Variants in SGTA observed in about 807,000 individuals in gnomAD.
SGTA encodes the protein small glutamine-rich tetratricopeptide repeat-containing protein alpha.
In SGTA, 22 loss-of-function variants were observed where a neutral mutation model predicts 44.3. That is an observed-to-expected ratio of 0.50 (90% CI 0.36 to 0.71). The LOEUF is 0.71. SGTA is among the 30% of genes least tolerant of loss of function. The pLI is 0.00. For synonymous variants in SGTA, 174 were observed against 177.6 expected, an observed-to-expected ratio of 0.98 and a Z score of 0.16; for missense variants, 341 against 435.9, an observed-to-expected ratio of 0.78 and a Z score of 1.94.
chr19:2,774,355 G>A (rs1259705003), intron 1 of SGTA, among the ~76,000 whole-genome samples: 1 of 152,208 alleles, frequency 6.6e-6, no homozygotes, highest in African/African-American at 2.4e-5. Flanking sequence ...AGTGAAGGGC[G>A]GTGGCCGAGG....
At chr19:2,768,807 G>T (rs1025660062) in intron 2 of SGTA, among the ~76,000 whole-genome samples, 162 bp downstream of exon 2, 1 of 152,216 alleles carries the variant, frequency 6.6e-6, no homozygotes, top group Non-Finnish European at 1.5e-5. Flanking sequence ...TCCCACGGCC[G>T]GGGGCTGTGT....
chr19:2,757,861 A>G (rs1914873697), intron 9 of SGTA, 79 bp from the exon 10 acceptor site: 1 of 948,836 alleles, frequency 1.1e-6, no homozygotes, highest in South Asian at 1.8e-5. Flanking sequence ...GTGGCCCGGG[A>G]GAGAATCCCT....
In SGTA at chr19:2,761,148, A is replaced by G. The variant is rs969515526; in HGVS notation, c.699+312T>C. On this transcript the variant is annotated intron_variant, in intron 8 of 11. Coordinates refer to ENST00000221566, the MANE Select transcript of SGTA (RefSeq NM_003021.4). This position sits in a 1 kb window ranked among gnomAD's most constrained non-coding sequence, Gnocchi z 5.7. ...CACGCCAGGGTGGGGTGGGGGTGTG[A>G]CCTCCCTGGGCTCAGCCAGGAGAGC... 2.6e-5 allele frequency among the ~76,000 whole-genome samples: 4 copies of G among 151,806 alleles called. No homozygotes were observed. Among genetic ancestry groups the G allele is most frequent in the Non-Finnish European group, 5.9e-5 (4 of 67,944 alleles).
rs150126806 is a variant in SGTA, at chr19:2,762,456, CCA to C, written c.636+48_636+49del. Reference sequence around the variant, plus strand: ...GTGCGCCCGAGGACCTGTCCCCCACCCACACAGTCAGCTCGGCGTTCTGGAGC... The same window carrying C: ...GTGCGCCCGAGGACCTGTCCCCCACCCACAGTCAGCTCGGCGTTCTGGAGC... On this transcript the variant is annotated intron_variant, in intron 7 of 11. Transcript: ENST00000221566. 1,155 of 1,604,384 alleles carry C rather than the reference CCA, an allele frequency of 7.2e-4. 3 individuals are homozygous for C. Among genetic ancestry groups the C allele is most frequent in the African/African-American group, 6.0e-3 (452 of 74,886 alleles).
intron 1 of SGTA, among the ~76,000 whole-genome samples, chr19:2,773,700 G>C (rs1288136866): frequency 2.2e-5 from 1 of 45,678 alleles, no homozygotes; most frequent in Non-Finnish European, 3.4e-5. Flanking sequence ...GGGACACCGA[G>C]GGCAGAGATG....
intron 1 of SGTA, among the ~76,000 whole-genome samples, chr19:2,778,352 C>CA (rs1450607577): frequency 6.6e-6 from 1 of 152,162 alleles, no homozygotes; most frequent in Non-Finnish European, 1.5e-5. Flanking sequence ...GAGAACTGGA[C>CA]AGGGTGGCAG....
At chr19:2,766,924 C>T (rs1016933479) in intron 4 of SGTA, among the ~76,000 whole-genome samples, 4 of 151,992 alleles carry the variant, frequency 2.6e-5, no homozygotes, top group African/African-American at 7.3e-5. Context: ...CCCCACCAGC[C>T]GTGCTGTGCC....
At chr19:2,775,896 C>T (rs1278642643) in intron 1 of SGTA, among the ~76,000 whole-genome samples, 1 of 152,198 alleles carries the variant, frequency 6.6e-6, no homozygotes, top group African/African-American at 2.4e-5. Flanking sequence ...TTTTGTGTCG[C>T]TGGACAGGGA....
intron 1 of SGTA, among the ~76,000 whole-genome samples, chr19:2,779,829 T>G (rs1427625541): frequency 1.3e-5 from 2 of 152,138 alleles, no homozygotes; most frequent in African/African-American, 4.8e-5. Flanking sequence ...TCCCAGCACT[T>G]TGGGAGGCCG....
chr19:2,773,900 T>A (rs13345285), intron 1 of SGTA, among the ~76,000 whole-genome samples: 51 of 36,210 alleles, frequency 1.4e-3, no homozygotes, highest in Admixed American at 3.5e-3. Flanking sequence ...CGGCAGGGAC[T>A]CCGAGGGCAG....
At chr19:2,771,513 T>G (rs1233525346) in intron 1 of SGTA, among the ~76,000 whole-genome samples, 1 of 150,178 alleles carries the variant, frequency 6.7e-6, no homozygotes, top group Non-Finnish European at 1.5e-5. Context: ...GGAAGCGACT[T>G]AACTCTGCTG....
Position 2,757,380 on chromosome 19 carries a change from C to T in SGTA, c.905G>A (p.Arg302Gln), listed in dbSNP as rs929340519. ...IEQLRSQIRS[R>Q]TPSASNDDQQ... ...GTCGTCGTTGCTGGCGCTGGGCGTC[C>T]GACTCCGGATCTGGCTCCTGAGCTG... The change falls in exon 11 of 12, where the codon CGG (arginine) becomes CAG (glutamine). Residue 302 changes from arginine (R) to glutamine (Q), a missense_variant. Arg to Gln is a conservative substitution (Grantham distance 43). Coordinates refer to ENST00000221566, the MANE Select transcript of SGTA (RefSeq NM_003021.4). 5.6e-6 allele frequency: 9 copies of T among 1,606,258 alleles called. No homozygotes were observed. The highest frequency in any genetic ancestry group is 5.0e-5 in the Admixed American group (3 of 59,998).
At chr19:2,769,134 C>T (rs1915230784) in intron 1 of SGTA, 43 bp from the exon 2 acceptor site, 2 of 1,279,566 alleles carry the variant, frequency 1.6e-6, no homozygotes, top group Admixed American at 1.7e-5. Context: ...CCTCACACTC[C>T]CCACTCCAGG....
rs541091111 is a variant in SGTA, at chr19:2,760,994, C to T, written c.699+466G>A. 1.8e-4 allele frequency among the ~76,000 whole-genome samples: 27 copies of T among 152,354 alleles called. No individual in the cohort carries two copies. In the East Asian group the frequency reaches 5.0e-3, roughly 28 times the overall value. ...CTGCCAAAGGCCGTCCCTTTGGAAGCATGAGTGCCCGGGCATCGGGAGGTC... is the reference window on the plus strand; with the variant it reads ...CTGCCAAAGGCCGTCCCTTTGGAAGTATGAGTGCCCGGGCATCGGGAGGTC... On this transcript the variant is annotated intron_variant, in intron 8 of 11. Transcript: ENST00000221566.
chr19:2,782,945 C>A (rs1193222657), intron 1 of SGTA, among the ~76,000 whole-genome samples: 1 of 152,184 alleles, frequency 6.6e-6, no homozygotes, highest in Admixed American at 6.5e-5. Context: ...GAACACCCAG[C>A]GAGCGCTCAC....
chr19:2,769,098 G>A lies in SGTA; in HGVS notation c.-23-7C>T, dbSNP rs759377046. The A allele has an allele frequency of 8.2e-6, 13 of 1,591,044 alleles. No homozygotes were observed. The highest frequency in any genetic ancestry group is 1.1e-5 in the Non-Finnish European group (13 of 1,159,896). ...AGCCCAGAAGAGGTGATACCTGGGG[G>A]TGCAGGAAAAACCCCCATCAGGCCC... On this transcript the variant is annotated splice_polypyrimidine_tract_variant and splice_region_variant and intron_variant, in intron 1 of 11. Transcript: ENST00000221566.
intron 1 of SGTA, among the ~76,000 whole-genome samples, chr19:2,780,120 C>A (rs1421747517): frequency 6.6e-6 from 1 of 152,110 alleles, no homozygotes. Flanking sequence ...AACCACCTCT[C>A]TTCCTTATTT....
At position 2,767,075 on chromosome 19, in the gene SGTA, T is replaced by C; in HGVS notation, c.292+61A>G. The C allele has an allele frequency of 1.6e-6, 2 of 1,284,508 alleles. 1 individual carries two copies. Among genetic ancestry groups the C allele is most frequent in the East Asian group, 5.0e-5 (2 of 40,080 alleles). 79.6% of individuals were successfully genotyped at this position (1,284,508 alleles called of 1,614,324 possible). On this transcript the variant is annotated intron_variant, in intron 4 of 11. Coordinates refer to ENST00000221566, the MANE Select transcript of SGTA (RefSeq NM_003021.4). The surrounding 1 kb of genome is among the most constrained non-coding windows in gnomAD (Gnocchi z 7.3). ...AGGGACCAGCTGGCCTCTGCGAGGG[T>C]CCCACAGCCCCGGAGTCCAGGTAGG...
At chr19:2,760,457 G>A (rs1485769737) in intron 8 of SGTA, among the ~76,000 whole-genome samples, 1 of 143,006 alleles carries the variant, frequency 7.0e-6, no homozygotes, top group Non-Finnish European at 1.5e-5. Context: ...GGCGGAGGTT[G>A]CAGTGAGCTG....
Sources: gnomAD v4.1 joint callset for allele counts (sites outside exome capture counted in the v4.1 genomes callset) on GRCh38, gnomAD v4.1.1 for gene constraint, Gnocchi (gnomAD v3.1) non-coding constraint, MANE v1.5 for transcripts, NCBI Gene and HGNC (gene_info 2026-07-23, HGNC 2026-07-21) for gene names.